NALCN: variants seen among roughly 807,000 people sequenced by gnomAD.
NALCN encodes sodium leak channel NALCN.
Under a neutral mutation model 225.3 loss-of-function variants are expected in NALCN, and 111 were observed. That is an observed-to-expected ratio of 0.49 (90% CI 0.42 to 0.58). The LOEUF (loss-of-function observed/expected upper bound fraction) is 0.58. Ranked by LOEUF, NALCN falls within the 20% of genes least tolerant of loss-of-function variation. The pLI is 0.00. For synonymous variants in NALCN, 764 were observed against 769.0 expected (o/e 0.99, Z 0.11); for missense variants, 1,378 against 2,202.4 (o/e 0.63, Z 7.49).
intron 6 of NALCN, among the ~76,000 whole-genome samples, chr13:101,366,986 A>G (rs1031272732): frequency 3.9e-5 from 6 of 152,086 alleles, no homozygotes; most frequent in Non-Finnish European, 7.4e-5. Flanking sequence ...CTCTACTTCA[A>G]TGAATTAACT....
rs759523803 is a variant in NALCN at position 101,360,189 on chromosome 13, C to CCTCTCTCTCTCTCT, written c.645-14783_645-14770dup. Among the ~76,000 whole-genome samples, 68 of 89,312 alleles carry CCTCTCTCTCTCTCT rather than the reference C, an allele frequency of 7.6e-4. 1 individual carries two copies. Among genetic ancestry groups the CCTCTCTCTCTCTCT allele is most frequent in the Non-Finnish European group, 1.2e-3 (54 of 43,470 alleles). 58.6% of individuals were successfully genotyped at this position (89,312 alleles called of 152,430 possible). On this transcript the variant is annotated intron_variant, in intron 6 of 43. Coordinates refer to ENST00000251127, the MANE Select transcript of NALCN (RefSeq NM_052867.4). ...CTCTTTCTTCCTCTCTTCCTCTCTT[C>CCTCTCTCTCTCTCT]CTCTCTCTCTCTCTCTCTCTCTCTC... is the stretch of plus-strand genomic sequence containing the variant.
intron 31 of NALCN, 117 bp downstream of exon 31, chr13:101,083,594 A>C: frequency 1.1e-6 from 1 of 951,726 alleles, no homozygotes; most frequent in Non-Finnish European, 1.6e-6. Context: ...TTTCTGTATT[A>C]CCTTATGCAC....
At chr13:101,120,070 A>G (rs112712927) in intron 18 of NALCN, among the ~76,000 whole-genome samples, 4,074 of 152,324 alleles carry the variant, frequency 0.027, 79 homozygotes, top group Middle Eastern at 0.048. Context: ...TGTGAGTTAC[A>G]TACCTCAGGC....
chr13:101,103,359 C>T lies in NALCN; in HGVS notation c.2890-20G>A. On this transcript the variant is annotated intron_variant, in intron 25 of 43. Coordinates refer to ENST00000251127, the MANE Select transcript of NALCN (RefSeq NM_052867.4). ...GCTCACCTAAAGGGGAACAAATGAT[C>T]TCTGGAATTTATACAATTCATCCCC... 1 of 1,592,656 alleles carries T rather than the reference C, an allele frequency of 6.3e-7. No individual in the cohort carries two copies. The highest frequency in any genetic ancestry group is 8.5e-7 in the Non-Finnish European group (1 of 1,171,970).
intron 9 of NALCN, among the ~76,000 whole-genome samples, chr13:101,287,435 C>T (rs1349318322): frequency 1.3e-5 from 2 of 152,062 alleles, no homozygotes; most frequent in South Asian, 2.1e-4. Flanking sequence ...GTTTTGAGTC[C>T]CAGTTTTACC....
chr13:101,258,656 G>A, intron 10 of NALCN, 82 bp from the exon 11 acceptor site: 2 of 1,570,226 alleles, frequency 1.3e-6, no homozygotes, highest in Non-Finnish European at 1.7e-6. Flanking sequence ...TTGGCTGACA[G>A]CACCTTTGTG....
chr13:101,205,285 T>C (rs2040269429), intron 13 of NALCN, among the ~76,000 whole-genome samples: 3 of 152,110 alleles, frequency 2.0e-5, no homozygotes, highest in Admixed American at 2.0e-4. Flanking sequence ...TTTTTTACTC[T>C]TTGCTAAAAT....
chr13:101,341,982 C>A (rs1189018739), intron 7 of NALCN, among the ~76,000 whole-genome samples: 1 of 152,180 alleles, frequency 6.6e-6, no homozygotes, highest in African/African-American at 2.4e-5. Flanking sequence ...AGGAAGTGAG[C>A]CTTCACCAGG....
At chr13:101,309,689 A>G (rs1421616409) in intron 7 of NALCN, among the ~76,000 whole-genome samples, 1 of 152,206 alleles carries the variant, frequency 6.6e-6, no homozygotes, top group Admixed American at 6.5e-5. Flanking sequence ...AAATATTTTC[A>G]TCTCAGCCAT....
At chr13:101,118,215 A>G (rs2035805699) in intron 18 of NALCN, among the ~76,000 whole-genome samples, 1 of 152,060 alleles carries the variant, frequency 6.6e-6, no homozygotes, top group Non-Finnish European at 1.5e-5. Context: ...CCTTTGCTCC[A>G]TTTTGCCGCA....
chr13:101,293,038 C>T lies in NALCN; in HGVS notation c.800-672G>A, dbSNP rs139518888. On this transcript the variant is annotated intron_variant, in intron 7 of 43. Transcript: ENST00000251127. ...ACATTGGTTAAGAGAACCTAAAATG[C>T]CATGTAGGGAAAAGATGTGTTTAAT... Among the ~76,000 whole-genome samples the T allele has an allele frequency of 4.2e-3, 644 of 152,228 alleles. 3 individuals carry two copies. Among genetic ancestry groups the T allele is most frequent in the African/African-American group, 0.014 (589 of 41,528 alleles).
At chr13:101,074,751 A>G (rs947592487) in intron 35 of NALCN, 89 bp from the exon 36 acceptor site, 9 of 1,432,444 alleles carry the variant, frequency 6.3e-6, no homozygotes, top group Non-Finnish European at 8.3e-6. Context: ...AGAATATTCA[A>G]TCTATTAAGC....
chr13:101,355,512 A>G (rs1247518606), intron 6 of NALCN, among the ~76,000 whole-genome samples: 1 of 152,200 alleles, frequency 6.6e-6, no homozygotes, highest in East Asian at 1.9e-4. Context: ...TCCTAAATAT[A>G]TATGCACCCA....
intron 2 of NALCN, among the ~76,000 whole-genome samples, chr13:101,397,022 G>C (rs2047312344): frequency 7.2e-6 from 1 of 139,402 alleles, no homozygotes; most frequent in South Asian, 2.3e-4. Flanking sequence ...ACACACTTCT[G>C]ACTCCTGCTT....
chr13:101,355,435 A>T (rs1408285776), intron 6 of NALCN, among the ~76,000 whole-genome samples: 1 of 152,148 alleles, frequency 6.6e-6, no homozygotes, highest in Admixed American at 6.5e-5. Flanking sequence ...ACAAACAAAG[A>T]TAAAAAAAGA....
chr13:101,212,900 G>A (rs9582465), intron 13 of NALCN, among the ~76,000 whole-genome samples: 2 of 151,490 alleles, frequency 1.3e-5, no homozygotes, highest in Non-Finnish European at 2.9e-5. Context: ...CAATGCCATC[G>A]CCATCAAGCT....
At chr13:101,112,324 T>C (rs927606666) in intron 18 of NALCN, among the ~76,000 whole-genome samples, 1 of 152,210 alleles carries the variant, frequency 6.6e-6, no homozygotes, top group African/African-American at 2.4e-5. Context: ...CATGTTCTTT[T>C]TGGACAATAA....
At position 101,202,438 on chromosome 13, in the gene NALCN, ATTTGGAG is replaced by A. The variant is rs200810803; in HGVS notation, c.1627-10391_1627-10385del. On this transcript the variant is annotated intron_variant, in intron 13 of 43. Coordinates refer to ENST00000251127, the MANE Select transcript of NALCN (RefSeq NM_052867.4). ...TAAATACACATAGTGTGGATTTGGA[ATTTGGAG>A]TATAAATATAGTACTGTTGGTTAGA... 4.7e-3 allele frequency among the ~76,000 whole-genome samples: 721 copies of A among 152,302 alleles called. 7 individuals are homozygous for A. The highest frequency in any genetic ancestry group is 0.017 in the African/African-American group (702 of 41,572).
intron 34 of NALCN, among the ~76,000 whole-genome samples, chr13:101,078,388 T>C (rs1450678632): frequency 6.6e-6 from 1 of 152,194 alleles, no homozygotes; most frequent in African/African-American, 2.4e-5. Flanking sequence ...AGGGGGTCTG[T>C]ACCCTGCAAA....
Sources: allele counts gnomAD v4.1 joint callset (sites outside exome capture counted in the v4.1 genomes callset), GRCh38; gene constraint gnomAD v4.1.1; transcripts MANE v1.5; gene names NCBI Gene and HGNC (gene_info 2026-07-23, HGNC 2026-07-21).